The following TMCC1 variants were observed in gnomAD, a reference collection of about 807,000 sequenced individuals.
The protein encoded by TMCC1 is transmembrane and coiled-coil domain family 1, also known as transmembrane and coiled-coil domains protein 1.
In TMCC1, 15 loss-of-function variants were observed where a neutral mutation model predicts 52.4. The ratio of observed to expected loss-of-function variants is 0.29; its 90% CI spans 0.19 to 0.44. The LOEUF (loss-of-function observed/expected upper bound fraction) is 0.44, where lower values mean the gene tolerates loss of function less well. TMCC1 is among the 20% of genes least tolerant of loss of function. The pLI, the probability that TMCC1 is intolerant of heterozygous loss-of-function variation, is 1.00. For synonymous variants in TMCC1, 279 were observed against 301.9 expected (o/e 0.92, Z 0.79); for missense variants, 503 against 806.0 (o/e 0.62, Z 4.55).
At chr3:129,688,280 C>T (rs2089554392) in intron 4 of TMCC1, 7 of 985,176 alleles carry the variant, frequency 7.1e-6, no homozygotes, top group Non-Finnish European at 8.4e-6. Context: ...AAAAAAATCA[C>T]AACCTCTCTT....
chr3:129,853,802 A>G (rs2060022233), intron 2 of TMCC1, among the ~76,000 whole-genome samples: 1 of 152,184 alleles, frequency 6.6e-6, no homozygotes, highest in Admixed American at 6.5e-5. Context: ...AAAACAAAAC[A>G]AAACAAAACA....
chr3:129,679,425 C>A (rs1023010960), intron 4 of TMCC1, among the ~76,000 whole-genome samples: 1 of 152,148 alleles, frequency 6.6e-6, no homozygotes, highest in African/African-American at 2.4e-5. Flanking sequence ...TCTGCCTCAG[C>A]CTTCCGAGTA....
At chr3:129,833,478 GA>G (rs1187264019) in intron 2 of TMCC1, among the ~76,000 whole-genome samples, 3 of 152,328 alleles carry the variant, frequency 2.0e-5, no homozygotes, top group Admixed American at 2.0e-4. Context: ...ATTGAGGCAA[GA>G]GGATGTCTTG....
At chr3:129,834,595 A>C (rs1004878159) in intron 2 of TMCC1, among the ~76,000 whole-genome samples, 1 of 152,194 alleles carries the variant, frequency 6.6e-6, no homozygotes, top group Non-Finnish European at 1.5e-5. Context: ...AGGCCTAATG[A>C]TCATGTAAGA....
chr3:129,892,792 G>A (rs1056426020), intron 1 of TMCC1: 11 of 152,206 alleles, frequency 7.2e-5, no homozygotes, highest in African/African-American at 2.6e-4. Flanking sequence ...CCCCTTTACC[G>A]AGGCTGAAAA....
chr3:129,785,882 TAGA>T (rs2055980794), intron 4 of TMCC1, among the ~76,000 whole-genome samples: 1 of 151,402 alleles, frequency 6.6e-6, no homozygotes, highest in African/African-American at 2.4e-5. Flanking sequence ...AATTTACTCT[TAGA>T]AGATTAGATT....
intron 2 of TMCC1, among the ~76,000 whole-genome samples, chr3:129,861,869 G>A (rs2060414262): frequency 6.6e-6 from 1 of 152,080 alleles, no homozygotes; most frequent in African/African-American, 2.4e-5. Flanking sequence ...CCATTTCTAG[G>A]CATATATGTA....
At chr3:129,762,825 G>A (rs2053723443) in intron 4 of TMCC1, among the ~76,000 whole-genome samples, 1 of 151,856 alleles carries the variant, frequency 6.6e-6, no homozygotes. Context: ...TATAAAAAAT[G>A]TTTTGTTAAA....
At chr3:129,864,986 T>C (rs538635932) in intron 2 of TMCC1, among the ~76,000 whole-genome samples, 34 of 152,304 alleles carry the variant, frequency 2.2e-4, no homozygotes, top group Non-Finnish European at 3.5e-4. Flanking sequence ...AGGCACTACA[T>C]TGGACCCAAC....
At chr3:129,724,711 AC>A (rs2049937415) in intron 4 of TMCC1, among the ~76,000 whole-genome samples, 1 of 152,226 alleles carries the variant, frequency 6.6e-6, no homozygotes, top group Non-Finnish European at 1.5e-5. Context: ...TGAATTTTCT[AC>A]CAAGAGAAAA....
At chr3:129,801,496 C>T (rs747898843) in intron 4 of TMCC1, among the ~76,000 whole-genome samples, 15 of 152,120 alleles carry the variant, frequency 9.9e-5, no homozygotes, top group Non-Finnish European at 1.9e-4. Context: ...GAGTCTTGTC[C>T]TGTCACCCAG....
intron 4 of TMCC1, among the ~76,000 whole-genome samples, chr3:129,744,554 G>T (rs1012262483): frequency 1.3e-5 from 2 of 152,070 alleles, no homozygotes; most frequent in African/African-American, 4.8e-5. Context: ...TCAAGCAGCT[G>T]GAACTACAAG....
chr3:129,691,765 C>CG (rs1454171325), intron 4 of TMCC1, among the ~76,000 whole-genome samples: 2 of 152,098 alleles, frequency 1.3e-5, no homozygotes, highest in East Asian at 3.8e-4. Flanking sequence ...GAGACTCTAT[C>CG]TTTAAAAAAC....
chr3:129,875,490 C>CA (rs370431347), intron 2 of TMCC1, among the ~76,000 whole-genome samples: 5,207 of 17,176 alleles, frequency 0.3, 1,214 homozygotes, highest in East Asian at 0.72. Flanking sequence ...GACTCCATCT[C>CA]AAAAAAAAAA....
At chr3:129,811,027 A>G (rs192294161) in intron 4 of TMCC1, among the ~76,000 whole-genome samples, 1 of 151,410 alleles carries the variant, frequency 6.6e-6, no homozygotes, top group East Asian at 1.9e-4. Context: ...GCTGCTTAAC[A>G]TATGAGTTTT....
At chr3:129,768,452 A>G (rs1160658435) in intron 4 of TMCC1, among the ~76,000 whole-genome samples, 1 of 152,180 alleles carries the variant, frequency 6.6e-6, no homozygotes, top group East Asian at 1.9e-4. Flanking sequence ...GAACTGATTT[A>G]AGCAACTAGA....
chr3:129,781,089 C>T (rs1427167097), intron 4 of TMCC1, among the ~76,000 whole-genome samples: 1 of 152,058 alleles, frequency 6.6e-6, no homozygotes, highest in African/African-American at 2.4e-5. Flanking sequence ...AACCTCTTAC[C>T]ACACTATTTA....
At position 129,651,321 on chromosome 3, in the gene TMCC1, G is replaced by A. The variant is rs2086306947; in HGVS notation, c.*160C>T. 6 of 804,120 alleles carry A rather than the reference G, an allele frequency of 7.5e-6. No homozygotes were observed. The highest frequency in any genetic ancestry group is 1.1e-5 in the Non-Finnish European group (6 of 530,628). 49.8% of individuals were successfully genotyped at this position (804,120 alleles called of 1,614,324 possible). A position where few individuals can be genotyped will look rare whatever the true frequency, so the allele number is the denominator to read the frequency against. On this transcript the variant is annotated 3_prime_UTR_variant, in exon 7 of 7. Coordinates refer to ENST00000393238, the MANE Select transcript of TMCC1 (RefSeq NM_001017395.5). This position sits in a 1 kb window ranked among gnomAD's most constrained non-coding sequence, Gnocchi z 5.1. ...TGGATAAAATCTAAAAAATACTATT[G>A]CAATTGCGTCTCTTGAAGAAAAAAA... is the stretch of plus-strand genomic sequence containing the variant.
intron 4 of TMCC1, among the ~76,000 whole-genome samples, chr3:129,706,613 C>CT (rs1296348377): frequency 7.2e-5 from 11 of 152,166 alleles, no homozygotes; most frequent in Non-Finnish European, 1.6e-4. Flanking sequence ...TGAGTACAGA[C>CT]TTCCTACTAG....
Sources: allele counts gnomAD v4.1 joint callset (sites outside exome capture counted in the v4.1 genomes callset), GRCh38; gene constraint gnomAD v4.1.1; non-coding constraint Gnocchi (gnomAD v3.1); transcripts MANE v1.5; gene names NCBI Gene and HGNC (gene_info 2026-07-23, HGNC 2026-07-21).